SNX25: variants seen among roughly 807,000 people sequenced by gnomAD.
SNX25 encodes the protein sorting nexin 25, also known as sorting nexin-25.
In SNX25, 62 loss-of-function variants were observed where a neutral mutation model predicts 113.7. That is an observed-to-expected ratio of 0.55 (90% CI 0.44 to 0.67). SNX25 has a LOEUF of 0.67. Ranked by LOEUF, SNX25 falls within the 30% of genes least tolerant of loss-of-function variation. SNX25 has a pLI of 0.00. For missense variants in SNX25, 1,014 were observed against 1,161.0 expected (o/e 0.87, Z 1.84); for synonymous variants, 421 against 436.2 (o/e 0.97, Z 0.43).
rs1473965975 is a variant in SNX25 at position 185,363,255 on chromosome 4, T to G, written c.2935-130T>G. On this transcript the variant is annotated intron_variant, in intron 18 of 18. Transcript: ENST00000652585. This position sits in a 1 kb window ranked among gnomAD's most constrained non-coding sequence, Gnocchi z 4.2. ...ATAGTTACCAATATTAAATACTGTT[T>G]GAGAGTTACTTGTTTACTGAGATAA... 40 of 754,634 alleles carry G rather than the reference T, an allele frequency of 5.3e-5. No homozygotes were observed. The highest frequency in any genetic ancestry group is 1.1e-4 in the East Asian group (4 of 36,610). 46.7% of individuals were successfully genotyped at this position (754,634 alleles called of 1,614,324 possible).
In SNX25 at chr4:185,210,443, C is replaced by T. The variant is rs572453125; in HGVS notation, c.429+188C>T. 3.8e-5 allele frequency among the ~76,000 whole-genome samples: 5 copies of T among 131,998 alleles called. No homozygotes were observed. In the East Asian group the frequency reaches 6.1e-4, roughly 16 times the overall value. The allele number at this position is 131,998 out of a possible 152,430, so 86.6% of individuals were successfully genotyped here. A position where few individuals can be genotyped will look rare whatever the true frequency, so the allele number is the denominator to read the frequency against. ...CCCGGCGCCCGCGCGCGGCGGGCTC[C>T]GGGCTCCGGGCTCCGCGCTCCGCGG... On this transcript the variant is annotated intron_variant, in intron 1 of 18. Coordinates refer to ENST00000652585, the MANE Select transcript of SNX25 (RefSeq NM_001378034.2). This position sits in a 1 kb window ranked among gnomAD's most constrained non-coding sequence, Gnocchi z 4.4.
At chr4:185,225,111 A>G (rs1362409398) in intron 1 of SNX25, among the ~76,000 whole-genome samples, 1 of 145,910 alleles carries the variant, frequency 6.9e-6, no homozygotes, top group East Asian at 2.0e-4. Flanking sequence ...TTTATATTCT[A>G]TGTCTTCTTT....
chr4:185,356,547 C>T (rs909299777), intron 15 of SNX25, among the ~76,000 whole-genome samples: 4 of 152,148 alleles, frequency 2.6e-5, no homozygotes, highest in South Asian at 2.1e-4. Context: ...CAAGACTTGA[C>T]TTTACGTGAA....
At chr4:185,352,010 A>C (rs532198291) in intron 14 of SNX25, among the ~76,000 whole-genome samples, 5 of 152,126 alleles carry the variant, frequency 3.3e-5, no homozygotes, top group Non-Finnish European at 7.4e-5. Context: ...CCGTGCTCTA[A>C]TGGAAGATTA....
chr4:185,299,297 G>A (rs1753294964), intron 6 of SNX25, among the ~76,000 whole-genome samples: 1 of 152,188 alleles, frequency 6.6e-6, no homozygotes, highest in South Asian at 2.1e-4. Context: ...GCTCGTGCTT[G>A]ATATGCAGTG....
intron 7 of SNX25, among the ~76,000 whole-genome samples, chr4:185,313,400 T>C (rs548013453): frequency 1.3e-5 from 2 of 152,086 alleles, no homozygotes; most frequent in Non-Finnish European, 2.9e-5. Context: ...TAAAGAGACC[T>C]TTAGAGTGTA....
chr4:185,309,907 A>T (rs1579729415), intron 6 of SNX25, among the ~76,000 whole-genome samples: 2 of 152,212 alleles, frequency 1.3e-5, no homozygotes, highest in African/African-American at 2.4e-5. Flanking sequence ...AAGGCTGTGC[A>T]CCTCATGGCT....
At chr4:185,315,419 G>A (rs941088989) in intron 7 of SNX25, among the ~76,000 whole-genome samples, 2 of 149,844 alleles carry the variant, frequency 1.3e-5, no homozygotes, top group African/African-American at 2.5e-5. Flanking sequence ...TCAGCCTCCC[G>A]AGTACCTGGA....
chr4:185,273,746 C>T (rs1017009937), intron 5 of SNX25, among the ~76,000 whole-genome samples: 6 of 152,194 alleles, frequency 3.9e-5, no homozygotes, highest in African/African-American at 1.4e-4. Context: ...TTAGATTCCA[C>T]ATGTACGTGA....
Position 185,239,963 on chromosome 4 carries a change from T to A in SNX25, c.430-7331T>A, listed in dbSNP as rs528222629. Among the ~76,000 whole-genome samples, 593 of 150,684 alleles carry A rather than the reference T, an allele frequency of 3.9e-3. 7 individuals are homozygous for A. Among genetic ancestry groups the A allele is most frequent in the Middle Eastern group, 0.01 (3 of 294 alleles). ...GGTACTTGAGATTAGGGAGTGGTGA[T>A]GACTCTTAACGAGCATGCTTCCTTC... On this transcript the variant is annotated intron_variant, in intron 1 of 18. Coordinates refer to ENST00000652585, the MANE Select transcript of SNX25 (RefSeq NM_001378034.2).
chr4:185,240,328 TC>T (rs1356908994), intron 1 of SNX25, among the ~76,000 whole-genome samples: 2 of 151,630 alleles, frequency 1.3e-5, no homozygotes, highest in African/African-American at 4.9e-5. Context: ...GCTCCTCACT[TC>T]CCAGTAGGGG....
chr4:185,310,345 AAAG>A (rs1560996304), intron 6 of SNX25, among the ~76,000 whole-genome samples: 1 of 152,248 alleles, frequency 6.6e-6, no homozygotes, highest in South Asian at 2.1e-4. Context: ...TAAAGATGTT[AAAG>A]AATACACACA....
At chr4:185,258,500 G>C (rs1039722341) in intron 2 of SNX25, among the ~76,000 whole-genome samples, 1 of 152,136 alleles carries the variant, frequency 6.6e-6, no homozygotes, top group Non-Finnish European at 1.5e-5. Context: ...GCTGAACTCG[G>C]AGCAAAGAGG....
downstream of SNX25, among the ~76,000 whole-genome samples, chr4:185,373,630 T>A (rs2095423658): frequency 1.3e-5 from 2 of 152,250 alleles, no homozygotes; most frequent in South Asian, 2.1e-4. Context: ...TTAGTTGTTA[T>A]GTGTCTCTTG....
chr4:185,237,473 A>G (rs1742811551), intron 1 of SNX25, among the ~76,000 whole-genome samples: 1 of 151,662 alleles, frequency 6.6e-6, no homozygotes. Flanking sequence ...TAACTTTTCA[A>G]CCCCTCCGTG....
intron 5 of SNX25, among the ~76,000 whole-genome samples, chr4:185,267,862 T>A (rs1056690483): frequency 1.3e-5 from 2 of 152,192 alleles, no homozygotes; most frequent in Non-Finnish European, 2.9e-5. Context: ...TACTGTATTC[T>A]TACAATAAAG....
chr4:185,301,302 C>A (rs1390107124), intron 6 of SNX25, among the ~76,000 whole-genome samples: 4 of 152,212 alleles, frequency 2.6e-5, no homozygotes, highest in African/African-American at 9.6e-5. Flanking sequence ...GTGACACACC[C>A]AGGGAGGGCA....
intron 9 of SNX25, 23 bp from the exon 10 acceptor site, chr4:185,332,569 ATGG>A: frequency 6.3e-7 from 1 of 1,577,654 alleles, no homozygotes; most frequent in East Asian, 2.2e-5. Context: ...ATTATAAGAT[ATGG>A]TGGTATGTGA....
In SNX25 at chr4:185,266,351, G is replaced by A. The variant is rs560211722; in HGVS notation, c.905-618G>A. 1.1e-4 allele frequency among the ~76,000 whole-genome samples: 16 copies of A among 152,214 alleles called. No homozygotes were observed. The East Asian group carries it at 3.1e-3, about 29-fold the overall frequency. On this transcript the variant is annotated intron_variant, in intron 4 of 18. Coordinates refer to ENST00000652585, the MANE Select transcript of SNX25 (RefSeq NM_001378034.2). The stretch of plus-strand genomic sequence containing the variant: ...GAAAAAAATCAGTGTTTTTTTGGTT[G>A]TTGTAATTTTGTGGTTTTTTGTTTT...
Sources: gnomAD v4.1 joint callset for allele counts (sites outside exome capture counted in the v4.1 genomes callset) on GRCh38, gnomAD v4.1.1 for gene constraint, Gnocchi (gnomAD v3.1) non-coding constraint, MANE v1.5 for transcripts, NCBI Gene and HGNC (gene_info 2026-07-23, HGNC 2026-07-21) for gene names.